The following RNF150 variants were observed in gnomAD, a reference collection of about 807,000 sequenced individuals.
RNF150 encodes the protein ring finger protein 150.
A neutral mutation model predicts 39.3 loss-of-function variants in RNF150; 24 were observed. That is an observed-to-expected ratio of 0.61 (90% CI 0.44 to 0.86). The LOEUF (loss-of-function observed/expected upper bound fraction) is 0.86, where lower values mean the gene tolerates loss of function less well. Ranked by LOEUF, RNF150 falls within the 40% of genes least tolerant of loss-of-function variation. The pLI is 0.00. For synonymous variants in RNF150, 255 were observed against 227.3 expected (o/e 1.12, Z -1.10); for missense variants, 502 against 587.8 (o/e 0.85, Z 1.51).
chr4:141,144,697 T>G (rs1350804024), intron 1 of RNF150, among the ~76,000 whole-genome samples: 7 of 152,140 alleles, frequency 4.6e-5, no homozygotes, highest in Non-Finnish European at 7.4e-5. Context: ...TCAGAGGAAA[T>G]GTAGGAAAAA....
rs913223302 is a variant in RNF150, at chr4:141,146,930, TA to T, written c.-6+65863del. On this transcript the variant is annotated intron_variant, in intron 1 of 7. Transcript: ENST00000420921. ...AGCAATATATTAGCTTTATTACTGA[TA>T]AAAGCTCTTTAGAGAATGTGACTGT... Among the ~76,000 whole-genome samples the T allele has an allele frequency of 6.0e-4, 92 of 152,316 alleles. 2 individuals carry two copies. Among genetic ancestry groups the T allele is most frequent in the African/African-American group, 2.1e-3 (89 of 41,588 alleles).
chr4:141,108,309 TTTC>T (rs1362612037), intron 1 of RNF150, among the ~76,000 whole-genome samples: 1 of 152,230 alleles, frequency 6.6e-6, no homozygotes, highest in Non-Finnish European at 1.5e-5. Context: ...TCTTAAAATT[TTTC>T]TTCTAGTTTA....
At chr4:140,906,496 G>C (rs977315082) in intron 6 of RNF150, among the ~76,000 whole-genome samples, 6 of 152,154 alleles carry the variant, frequency 3.9e-5, no homozygotes, top group Admixed American at 1.3e-4. Flanking sequence ...TTGGGGGAAA[G>C]GGGGTATCAT....
At chr4:141,203,259 A>G (rs915861801) in intron 1 of RNF150, among the ~76,000 whole-genome samples, 1 of 128,494 alleles carries the variant, frequency 7.8e-6, no homozygotes, top group African/African-American at 2.9e-5. Flanking sequence ...GAGACGATAT[A>G]TATATCTTGG....
At chr4:140,978,822 C>T (rs1733758502) in intron 1 of RNF150, among the ~76,000 whole-genome samples, 1 of 151,844 alleles carries the variant, frequency 6.6e-6, no homozygotes, top group African/African-American at 2.4e-5. Context: ...TTTCAAATGG[C>T]TAAAAATAAT....
At chr4:141,034,844 A>G (rs1281475466) in intron 1 of RNF150, among the ~76,000 whole-genome samples, 1 of 152,172 alleles carries the variant, frequency 6.6e-6, no homozygotes. Flanking sequence ...CAAGTACAAT[A>G]GTAACATCCA....
intron 1 of RNF150, among the ~76,000 whole-genome samples, chr4:141,111,049 A>C (rs1739370146): frequency 6.6e-6 from 1 of 152,098 alleles, no homozygotes; most frequent in African/African-American, 2.4e-5. Context: ...GCCATGTCCT[A>C]AGAGTAAGGA....
At position 140,973,870 on chromosome 4, in the gene RNF150, T is replaced by C. The variant is rs541901951; in HGVS notation, c.485-5997A>G. Among the ~76,000 whole-genome samples the C allele has an allele frequency of 5.4e-4, 71 of 131,236 alleles. No individual in the cohort carries two copies. The South Asian group carries it at 0.017, about 31-fold the overall frequency. 86.1% of individuals were successfully genotyped at this position (131,236 alleles called of 152,430 possible). On this transcript the variant is annotated intron_variant, in intron 1 of 6. Coordinates refer to ENST00000515673, the MANE Select transcript of RNF150 (RefSeq NM_020724.2). ...CTAGCCTGGGTGACAAGTGAGACTC[T>C]GTTTAAAAAAAAAAAAAAAAAAAAA...
chr4:141,007,577 C>T (rs898523190), intron 1 of RNF150, among the ~76,000 whole-genome samples: 7 of 152,116 alleles, frequency 4.6e-5, no homozygotes, highest in Non-Finnish European at 1.0e-4. Context: ...TCTTCGTGTA[C>T]TTAAATTATT....
rs980664845 is a variant in RNF150, at chr4:141,188,784, G to A, written c.-6+24010C>T. 2.0e-4 allele frequency among the ~76,000 whole-genome samples: 31 copies of A among 152,158 alleles called. 1 individual carries two copies. Among genetic ancestry groups the A allele is most frequent in the Admixed American group, 1.9e-3 (29 of 15,276 alleles). ...TCAAGGTTCTTATCTTCCTTGTCAA[G>A]GTTCTTATCTTCCTTGCTTCCTTGC... On this transcript the variant is annotated intron_variant, in intron 1 of 7. Coordinates refer to the RNF150 transcript ENST00000420921.
intron 1 of RNF150, among the ~76,000 whole-genome samples, chr4:141,044,226 ATTAGTT>A (rs1736476636): frequency 1.3e-5 from 2 of 152,186 alleles, no homozygotes; most frequent in East Asian, 3.9e-4. Flanking sequence ...TAAATGTCTT[ATTAGTT>A]TTTAAATGCA....
intron 1 of RNF150, among the ~76,000 whole-genome samples, chr4:141,026,175 T>A (rs1735689518): frequency 6.6e-6 from 1 of 152,168 alleles, no homozygotes; most frequent in Non-Finnish European, 1.5e-5. Flanking sequence ...TATGTGTCTA[T>A]GTAAACAAGG....
At chr4:141,144,899 TA>T (rs1383107922) in intron 1 of RNF150, among the ~76,000 whole-genome samples, 1 of 152,170 alleles carries the variant, frequency 6.6e-6, no homozygotes, top group East Asian at 1.9e-4. Flanking sequence ...GATGCTCCAG[TA>T]ACAAAAATTA....
chr4:140,930,103 G>A (rs1731569505), intron 4 of RNF150, among the ~76,000 whole-genome samples: 1 of 151,928 alleles, frequency 6.6e-6, no homozygotes, highest in Admixed American at 6.6e-5. Context: ...GGAGGTTGCA[G>A]TGAGCCGAGA....
In RNF150 at chr4:141,027,926, G is replaced by GTTTTT. The variant is rs61543533; in HGVS notation, c.485-60058_485-60054dup. 5.8e-5 allele frequency among the ~76,000 whole-genome samples: 4 copies of GTTTTT among 69,126 alleles called. 1 individual carries two copies. Among genetic ancestry groups the GTTTTT allele is most frequent in the Admixed American group, 2.2e-4 (1 of 4,538 alleles). 45.3% of individuals were successfully genotyped at this position (69,126 alleles called of 152,430 possible). A position where few individuals can be genotyped will look rare whatever the true frequency, so the allele number is the denominator to read the frequency against. The stretch of plus-strand genomic sequence containing the variant: ...GCTTGGAATTTGTTTTTTTTTTTTT[G>GTTTTT]TTTTTTTTTTTTTTTTTTTTTTTTT... On this transcript the variant is annotated intron_variant, in intron 1 of 6. Transcript: ENST00000515673.
At chr4:141,199,654 G>C (rs1728257448) in intron 1 of RNF150, among the ~76,000 whole-genome samples, 1 of 152,140 alleles carries the variant, frequency 6.6e-6, no homozygotes, top group Non-Finnish European at 1.5e-5. Context: ...CAAAATTATA[G>C]GGAGAGAACA....
intron 1 of RNF150, among the ~76,000 whole-genome samples, chr4:141,092,205 A>G (rs1738607148): frequency 6.6e-6 from 1 of 152,010 alleles, no homozygotes; most frequent in Non-Finnish European, 1.5e-5. Flanking sequence ...TTAGCTGGGC[A>G]TGGTGGTGGT....
chr4:140,908,050 G>T (rs1260471181), intron 6 of RNF150, among the ~76,000 whole-genome samples: 1 of 152,158 alleles, frequency 6.6e-6, no homozygotes, highest in Non-Finnish European at 1.5e-5. Flanking sequence ...CCTCCACTGG[G>T]TTATTTATTT....
chr4:141,153,604 A>C (rs2111144944), intron 1 of RNF150, among the ~76,000 whole-genome samples: 1 of 152,208 alleles, frequency 6.6e-6, no homozygotes, highest in East Asian at 1.9e-4. Flanking sequence ...CCACACAGTA[A>C]AGAAATAATG....
Sources: allele counts gnomAD v4.1 joint callset (sites outside exome capture counted in the v4.1 genomes callset), GRCh38; gene constraint gnomAD v4.1.1; transcripts MANE v1.5; gene names NCBI Gene and HGNC (gene_info 2026-07-23, HGNC 2026-07-21).